BRAF: variants seen among roughly 807,000 people sequenced by gnomAD.
BRAF encodes the protein B-Raf proto-oncogene, serine/threonine kinase, also known as serine/threonine-protein kinase B-raf.
A neutral mutation model predicts 104.6 loss-of-function variants in BRAF; 16 were observed. The observed-to-expected ratio is 0.15, with a 90% confidence interval of 0.10 to 0.23. The LOEUF is 0.23. Ranked by LOEUF, BRAF falls within the 10% of genes least tolerant of loss-of-function variation. The pLI, the probability that BRAF is intolerant of heterozygous loss-of-function variation, is 1.00. For synonymous variants in BRAF, 310 were observed against 341.6 expected (o/e 0.91, Z 1.02); for missense variants, 541 against 937.3 (o/e 0.58, Z 5.52).
chr7:140,740,846 G>A (rs1796861355), intron 17 of BRAF: 1 of 152,212 alleles, frequency 6.6e-6, no homozygotes. Flanking sequence ...ATTGCAATGT[G>A]GCCTCTATGT....
intron 1 of BRAF, among the ~76,000 whole-genome samples, chr7:140,893,386 G>C (rs1354010113): frequency 6.6e-6 from 1 of 151,898 alleles, no homozygotes; most frequent in Non-Finnish European, 1.5e-5. Flanking sequence ...AGTAGCTAGG[G>C]CTACAGGCGC....
At chr7:140,891,138 G>C (rs1366571134) in intron 1 of BRAF, among the ~76,000 whole-genome samples, 1 of 152,188 alleles carries the variant, frequency 6.6e-6, no homozygotes, top group South Asian at 2.1e-4. Context: ...AAAATACTCT[G>C]AGAGTACCAC....
chr7:140,831,259 T>G (rs967238901), intron 3 of BRAF, among the ~76,000 whole-genome samples: 1 of 152,186 alleles, frequency 6.6e-6, no homozygotes, highest in Non-Finnish European at 1.5e-5. Context: ...GTTGACAGTA[T>G]AGTAGGGGAA....
At chr7:140,858,381 AT>A (rs1810033616) in intron 1 of BRAF, among the ~76,000 whole-genome samples, 1 of 152,236 alleles carries the variant, frequency 6.6e-6, no homozygotes, top group African/African-American at 2.4e-5. Context: ...CTACACTGAA[AT>A]AATCAAATAT....
At chr7:140,812,160 C>CTGTGTGTGTGTGTGTGTGTGTGTG (rs201757515) in intron 3 of BRAF, among the ~76,000 whole-genome samples, 9 of 140,544 alleles carry the variant, frequency 6.4e-5, no homozygotes, top group African/African-American at 1.8e-4. Context: ...GCATGCACAC[C>CTGTGTGTGTGTGTGTGTGTGTGTG]TGTGTGTGTG....
At chr7:140,857,958 T>C (rs1379331702) in intron 1 of BRAF, among the ~76,000 whole-genome samples, 1 of 152,172 alleles carries the variant, frequency 6.6e-6, no homozygotes, top group African/African-American at 2.4e-5. Context: ...AACTGAACTT[T>C]AAATGAAAAA....
intron 1 of BRAF, among the ~76,000 whole-genome samples, chr7:140,891,950 A>G (rs760335849): frequency 1.3e-5 from 2 of 152,178 alleles, no homozygotes; most frequent in Non-Finnish European, 2.9e-5. Context: ...GGAAGTTTAT[A>G]CAATTCTAAT....
chr7:140,753,830 T>C (rs533743687), intron 15 of BRAF: 516 of 348,838 alleles, frequency 1.5e-3, no homozygotes, highest in Non-Finnish European at 2.5e-3. Context: ...TTATATAATT[T>C]AGAGTCTTCA....
chr7:140,841,050 A>ACCCTTTTATTTG (rs1263300723), intron 2 of BRAF, among the ~76,000 whole-genome samples: 1 of 151,912 alleles, frequency 6.6e-6, no homozygotes, highest in Non-Finnish European at 1.5e-5. Context: ...AAAAGGACAA[A>ACCCTTTTATTTG]CCCAGTTTTT....
intron 1 of BRAF, among the ~76,000 whole-genome samples, chr7:140,909,951 G>A (rs2129138765): frequency 6.6e-6 from 1 of 152,022 alleles, no homozygotes; most frequent in East Asian, 1.9e-4. Context: ...GTCATTCTAG[G>A]TCATGTGGTG....
chr7:140,753,964 T>C, intron 15 of BRAF: 2 of 581,166 alleles, frequency 3.4e-6, no homozygotes, highest in South Asian at 2.0e-5. Flanking sequence ...CCTACTATTG[T>C]AAAGACTTCT....
intron 14 of BRAF, among the ~76,000 whole-genome samples, chr7:140,773,023 T>A (rs1586106143): frequency 6.6e-6 from 1 of 152,204 alleles, no homozygotes; most frequent in South Asian, 2.1e-4. Flanking sequence ...GTTACATGAA[T>A]GTTCCTTAGA....
chr7:140,787,235 AGCTT>A (rs2129030932), intron 9 of BRAF, among the ~76,000 whole-genome samples: 1 of 140,276 alleles, frequency 7.1e-6, no homozygotes, highest in East Asian at 2.3e-4. Context: ...CGGGAGGCGG[AGCTT>A]GCAGTGAGCC....
chr7:140,824,375 G>A (rs1452914949), intron 3 of BRAF: 7 of 152,182 alleles, frequency 4.6e-5, no homozygotes, highest in African/African-American at 1.7e-4. Context: ...TGGATATTCA[G>A]TTGCCAGCAT....
At chr7:140,897,970 TG>T (rs1815154106) in intron 1 of BRAF, among the ~76,000 whole-genome samples, 1 of 151,986 alleles carries the variant, frequency 6.6e-6, no homozygotes, top group Admixed American at 6.6e-5. Context: ...GAGGCCAAGG[TG>T]GGAGAATCAC....
intron 1 of BRAF, among the ~76,000 whole-genome samples, chr7:140,858,604 G>A (rs1810059953): frequency 6.6e-6 from 1 of 152,068 alleles, no homozygotes; most frequent in Non-Finnish European, 1.5e-5. Flanking sequence ...CATGCAGAGT[G>A]GATCTTAGTT....
intron 1 of BRAF, among the ~76,000 whole-genome samples, chr7:140,920,340 A>G (rs918575827): frequency 2.0e-5 from 3 of 152,238 alleles, no homozygotes; most frequent in Non-Finnish European, 4.4e-5. Flanking sequence ...GGAAGAACAC[A>G]AAAGTAGTCA....
At chr7:140,778,804 C>T (rs1024626233) in intron 12 of BRAF, among the ~76,000 whole-genome samples, 4 of 151,674 alleles carry the variant, frequency 2.6e-5, no homozygotes, top group African/African-American at 9.7e-5. Context: ...TAAATTGGTA[C>T]AACTACTTTG....
chr7:140,868,660 T>C lies in BRAF; in HGVS notation c.139-18448A>G, dbSNP rs201750339. On this transcript the variant is annotated intron_variant, in intron 1 of 19. Transcript: ENST00000644969. Reference sequence around the variant, plus strand: ...CTAAAATTAAATTTGGTGATGGTTGTTGTGCACACTGAATACACTAAAACC... The same window carrying C: ...CTAAAATTAAATTTGGTGATGGTTGCTGTGCACACTGAATACACTAAAACC... Among the ~76,000 whole-genome samples the C allele has an allele frequency of 2.6e-5, 4 of 152,344 alleles. No homozygotes were observed. In the East Asian group the frequency reaches 7.7e-4, roughly 29 times the overall value.
Sources: allele counts gnomAD v4.1 joint callset (sites outside exome capture counted in the v4.1 genomes callset), GRCh38; gene constraint gnomAD v4.1.1; transcripts MANE v1.5; gene names NCBI Gene and HGNC (gene_info 2026-07-23, HGNC 2026-07-21).